ACVR1C: variants seen among roughly 807,000 people sequenced by gnomAD.
The protein encoded by ACVR1C is activin A receptor type 1C, also known as activin receptor type-1C.
A neutral mutation model predicts 57.9 loss-of-function variants in ACVR1C; 23 were observed. That is an observed-to-expected ratio of 0.40 (90% CI 0.29 to 0.56). The LOEUF (loss-of-function observed/expected upper bound fraction) is 0.56. Among genes scored for constraint, ACVR1C ranks in the 20% least tolerant of loss-of-function variants. The pLI is 0.50. For missense variants in ACVR1C, 480 were observed against 607.9 expected (o/e 0.79, Z 2.21); for synonymous variants, 214 against 215.3 (o/e 0.99, Z 0.05).
At chr2:157,599,666 C>G (rs1163273429) in intron 1 of ACVR1C, among the ~76,000 whole-genome samples, 1 of 152,180 alleles carries the variant, frequency 6.6e-6, no homozygotes. Context: ...TTTGTCAAAT[C>G]TATGATTTCC....
At chr2:157,554,410 A>T (rs1355949897) in intron 3 of ACVR1C, among the ~76,000 whole-genome samples, 1 of 151,104 alleles carries the variant, frequency 6.6e-6, no homozygotes, top group African/African-American at 2.4e-5. Context: ...GAGATGAAGG[A>T]AGGAAGGAGA....
chr2:157,617,225 G>C (rs1682674060), intron 1 of ACVR1C, among the ~76,000 whole-genome samples: 1 of 152,176 alleles, frequency 6.6e-6, no homozygotes, highest in East Asian at 1.9e-4. Flanking sequence ...TAATTAAATA[G>C]TCATTGCATC....
intron 1 of ACVR1C, among the ~76,000 whole-genome samples, chr2:157,597,846 G>C (rs188721821): frequency 1.8e-3 from 268 of 152,176 alleles, no homozygotes; most frequent in African/African-American, 6.2e-3. Context: ...ACTCGTGAAC[G>C]CCCTTAAAGA....
chr2:157,578,947 A>G, intron 2 of ACVR1C, among the ~76,000 whole-genome samples: 1 of 152,212 alleles, frequency 6.6e-6, no homozygotes, highest in Non-Finnish European at 1.5e-5. Context: ...GTTTAATTGA[A>G]TTTAATGTTA....
chr2:157,597,342 C>G, intron 1 of ACVR1C: 3 of 985,880 alleles, frequency 3.0e-6, no homozygotes, highest in South Asian at 9.4e-5. Flanking sequence ...CGGCCCGCCC[C>G]CGGGGAGCTC....
At chr2:157,621,330 C>T (rs538463911) in intron 1 of ACVR1C, among the ~76,000 whole-genome samples, 3 of 152,260 alleles carry the variant, frequency 2.0e-5, no homozygotes, top group Non-Finnish European at 2.9e-5. Flanking sequence ...TCAAGGGGCA[C>T]ATCATGAGGC....
intron 2 of ACVR1C, among the ~76,000 whole-genome samples, chr2:157,565,898 C>T (rs1213851664): frequency 6.6e-6 from 1 of 152,126 alleles, no homozygotes; most frequent in African/African-American, 2.4e-5. Flanking sequence ...AGAAGAATAA[C>T]ATTTTTACGC....
chr2:157,554,203 G>GAA (rs199615042), intron 3 of ACVR1C, among the ~76,000 whole-genome samples: 1 of 46,848 alleles, frequency 2.1e-5, no homozygotes, highest in African/African-American at 1.2e-4. Context: ...AAAGAAGAGA[G>GAA]AAAGAAAGAA....
chr2:157,597,242 G>T, intron 1 of ACVR1C: 1 of 690,686 alleles, frequency 1.4e-6, no homozygotes, highest in Non-Finnish European at 1.8e-6. Flanking sequence ...CCCCCACTTT[G>T]TCAACGGGTT....
chr2:157,592,857 G>C (rs1004047107), intron 1 of ACVR1C, among the ~76,000 whole-genome samples: 1 of 152,096 alleles, frequency 6.6e-6, no homozygotes, highest in Admixed American at 6.5e-5. Flanking sequence ...CTGGTTGTTA[G>C]TAGGCAGTAG....
Position 157,528,506 on chromosome 2 carries a change from T to C in ACVR1C, c.*5412A>G, listed in dbSNP as rs2105192700. The C allele has an allele frequency of 6.6e-6, 1 of 152,282 alleles. No individual in the cohort carries two copies. Among genetic ancestry groups the C allele is most frequent in the African/African-American group, 2.4e-5 (1 of 41,564 alleles). 9.4% of individuals were successfully genotyped at this position (152,282 alleles called of 1,614,324 possible). A position where few individuals can be genotyped will look rare whatever the true frequency, so the allele number is the denominator to read the frequency against. ...CATCTACAACTGAAAGAGAAAAGTA[T>C]GCTGGCAGTTCTATTATTGTTAGGG... On this transcript the variant is annotated 3_prime_UTR_variant, in exon 9 of 9. Transcript: ENST00000243349.
chr2:157,589,473 T>G (rs1379157578), intron 1 of ACVR1C, among the ~76,000 whole-genome samples: 1 of 151,946 alleles, frequency 6.6e-6, no homozygotes, highest in Non-Finnish European at 1.5e-5. Flanking sequence ...TTTTCTCCCA[T>G]TCTGTAGGTT....
intron 2 of ACVR1C, among the ~76,000 whole-genome samples, chr2:157,585,415 A>C (rs897471464): frequency 2.6e-5 from 4 of 152,206 alleles, no homozygotes; most frequent in Non-Finnish European, 1.5e-5. Flanking sequence ...TAAGGGTAGA[A>C]CATATAGACC....
At chr2:157,554,221 A>AAGAAAGAG (rs1553481336) in intron 3 of ACVR1C, among the ~76,000 whole-genome samples, 2 of 112,778 alleles carry the variant, frequency 1.8e-5, no homozygotes, top group African/African-American at 8.6e-5. Context: ...GAAAGAAAGA[A>AAGAAAGAG]AGAAAGAAAG....
rs796741390 is a variant in ACVR1C, at chr2:157,533,004, G to C, written c.*914C>G. The C allele has an allele frequency of 3.7e-4, 57 of 152,242 alleles. 1 individual carries two copies. Among genetic ancestry groups the C allele is most frequent in the African/African-American group, 1.4e-3 (57 of 41,552 alleles). 9.4% of individuals were successfully genotyped at this position (152,242 alleles called of 1,614,324 possible). A position where few individuals can be genotyped will look rare whatever the true frequency, so the allele number is the denominator to read the frequency against. ...AATGGGGTAACCATGATATTTCTAT[G>C]AGAAAAAATGTCAACAGATATGGTT... On this transcript the variant is annotated 3_prime_UTR_variant, in exon 9 of 9. Coordinates refer to ENST00000243349, the MANE Select transcript of ACVR1C (RefSeq NM_145259.3).
In ACVR1C at chr2:157,532,918, A is replaced by G. The variant is rs1023650767; in HGVS notation, c.*1000T>C. ...TGTATCTTAAAGACATTTTCAGACA[A>G]TGAATATTTATGTTTGATTAATCTT... On this transcript the variant is annotated 3_prime_UTR_variant, in exon 9 of 9. Transcript: ENST00000243349. 6.6e-6 allele frequency: 1 copy of G among 152,208 alleles called. No homozygotes were observed. The highest frequency in any genetic ancestry group is 2.4e-5 in the African/African-American group (1 of 41,456). The allele number at this position is 152,208 out of a possible 1,614,324, so 9.4% of individuals were successfully genotyped here.
chr2:157,549,935 A>G (rs1296864972), intron 4 of ACVR1C, among the ~76,000 whole-genome samples: 5 of 148,244 alleles, frequency 3.4e-5, no homozygotes, highest in African/African-American at 7.4e-5. Context: ...CCCGGGAGGC[A>G]GAGCTTGCGG....
In ACVR1C at chr2:157,587,209, G is replaced by A; in HGVS notation, c.282C>T (p.Asn94=). The A allele has an allele frequency of 6.2e-7, 1 of 1,613,172 alleles. No individual in the cohort carries two copies. The highest frequency in any genetic ancestry group is 8.5e-7 in the Non-Finnish European group (1 of 1,179,190). Residue 94 remains asparagine, a synonymous_variant, in exon 2 of 9, where the codon AAC becomes AAT. Coordinates refer to ENST00000243349, the MANE Select transcript of ACVR1C (RefSeq NM_145259.3). ...TECCFTDFCN[N]ITLHLPTASP... ...TACCTGTTGGAAGGTGCAGTGTTAT[G>A]TTGTTGCAAAAATCTGTGAAGCAGC...
At chr2:157,582,445 G>A (rs1270303286) in intron 2 of ACVR1C, among the ~76,000 whole-genome samples, 3 of 152,056 alleles carry the variant, frequency 2.0e-5, no homozygotes, top group African/African-American at 7.2e-5. Flanking sequence ...CATATGAACA[G>A]ACTAAAAAAG....
Sources: allele counts gnomAD v4.1 joint callset (sites outside exome capture counted in the v4.1 genomes callset), GRCh38; gene constraint gnomAD v4.1.1; transcripts MANE v1.5; gene names NCBI Gene and HGNC (gene_info 2026-07-23, HGNC 2026-07-21).